Variants in HTT observed in about 807,000 individuals in gnomAD.
HTT encodes huntington disease protein.
In HTT, 104 loss-of-function variants were observed where a neutral mutation model predicts 362.3. The ratio of observed to expected loss-of-function variants is 0.29; its 90% CI spans 0.24 to 0.34. The LOEUF (loss-of-function observed/expected upper bound fraction) is 0.34, where lower values mean the gene tolerates loss of function less well. Ranked by LOEUF, HTT falls within the 10% of genes least tolerant of loss-of-function variation. The pLI, the probability that HTT is intolerant of heterozygous loss-of-function variation, is 1.00. For missense variants in HTT, 3,301 were observed against 3,928.6 expected, an observed-to-expected ratio of 0.84 and a Z score of 4.27; for synonymous variants, 1,577 against 1,548.7, an observed-to-expected ratio of 1.02 and a Z score of -0.43.
At chr4:3,075,169 G>T (rs1440787776) in intron 1 of HTT, 81 bp downstream of exon 1, 3 of 1,163,086 alleles carry the variant, frequency 2.6e-6, no homozygotes, top group Middle Eastern at 3.4e-4. Context: ...GCAGCCTGCG[G>T]GCCGGCGACA....
At chr4:3,188,872 A>G in intron 39 of HTT, 79 bp from the exon 40 acceptor site, 1 of 1,334,368 alleles carries the variant, frequency 7.5e-7, no homozygotes, top group Non-Finnish European at 1.1e-6. Context: ...TATTTACCAT[A>G]TATCTTTTCA....
intron 22 of HTT, among the ~76,000 whole-genome samples, chr4:3,141,244 G>A (rs1434414163): frequency 1.3e-5 from 2 of 152,166 alleles, no homozygotes; most frequent in African/African-American, 2.4e-5. Flanking sequence ...GATAAGACTT[G>A]TGCTTTTTAA....
intron 61 of HTT, among the ~76,000 whole-genome samples, chr4:3,233,710 C>T (rs1382303269): frequency 2.0e-5 from 3 of 152,362 alleles, no homozygotes; most frequent in East Asian, 3.9e-4. Context: ...GCACCTTCCC[C>T]GCCCTGGCCC....
intron 39 of HTT, chr4:3,188,412 T>C (rs1718867446): frequency 6.0e-6 from 1 of 165,362 alleles, no homozygotes; most frequent in South Asian, 1.7e-4. Flanking sequence ...GCTGCCTAGA[T>C]GGGTCCCTCT....
At chr4:3,080,375 T>G (rs7436457) in intron 1 of HTT, among the ~76,000 whole-genome samples, 10,861 of 151,012 alleles carry the variant, frequency 0.072, 749 homozygotes, top group African/African-American at 0.18. Flanking sequence ...GATTACAGGT[T>G]TGGGCCACTG....
chr4:3,144,811 G>C (rs1716521116), intron 23 of HTT, among the ~76,000 whole-genome samples: 1 of 152,168 alleles, frequency 6.6e-6, no homozygotes, highest in African/African-American at 2.4e-5. Flanking sequence ...CCTGCCCTTA[G>C]GGTTTCTGCA....
At chr4:3,124,588 T>C (rs1305153376) in intron 10 of HTT, among the ~76,000 whole-genome samples, 1 of 152,172 alleles carries the variant, frequency 6.6e-6, no homozygotes, top group Non-Finnish European at 1.5e-5. Flanking sequence ...GTGGAACATA[T>C]TTGCAAACCA....
intron 34 of HTT, 43 bp downstream of exon 34, chr4:3,177,430 G>A (rs967738164): frequency 7.9e-7 from 1 of 1,270,350 alleles, no homozygotes; most frequent in Admixed American, 2.3e-5. Flanking sequence ...TTCTTCTTGT[G>A]TACTTACATG....
chr4:3,152,777 G>A (rs1035395830), intron 26 of HTT, among the ~76,000 whole-genome samples: 1 of 151,374 alleles, frequency 6.6e-6, no homozygotes, highest in Non-Finnish European at 1.5e-5. Context: ...CTCCCGAGTG[G>A]CTGGGACTAC....
In HTT at chr4:3,235,294, A is replaced by G. The variant is rs1721469738; in HGVS notation, c.8467A>G (p.Ile2823Val). Residue 2823 changes from isoleucine to valine, a missense_variant, in exon 62 of 67, where the codon ATT becomes GTT. This residue lies in a region of HTT where 753 missense variants were observed against 1,021.3 expected (regional missense o/e 0.74). Coordinates refer to ENST00000355072, the MANE Select transcript of HTT (RefSeq NM_001388492.1). ...GTCTCCCGTTTTCAGCTGCGTGAAC[A>G]TTCACAGCCAGCAGCACGTACTGGT... ...NLKGIAHCVN[I>V]HSQQHVLVMC... 3 of 1,612,736 alleles carry G rather than the reference A, an allele frequency of 1.9e-6. No individual in the cohort carries two copies. The highest frequency in any genetic ancestry group is 2.5e-6 in the Non-Finnish European group (3 of 1,178,984).
chr4:3,085,262 C>T (rs542122024), intron 1 of HTT, among the ~76,000 whole-genome samples: 10 of 152,046 alleles, frequency 6.6e-5, no homozygotes, highest in Admixed American at 2.0e-4. Flanking sequence ...CGCAGCCTCC[C>T]GAGTAGCTGG....
intron 59 of HTT, 79 bp downstream of exon 59, chr4:3,229,088 C>G (rs1721068597): frequency 7.2e-7 from 1 of 1,395,712 alleles, no homozygotes; most frequent in East Asian, 2.5e-5. Flanking sequence ...CACACACACA[C>G]CGCCCACACA....
At chr4:3,236,476 G>A (rs1721539172) in intron 64 of HTT, among the ~76,000 whole-genome samples, 1 of 152,172 alleles carries the variant, frequency 6.6e-6, no homozygotes, top group Admixed American at 6.5e-5. Flanking sequence ...CAGTTCCAAG[G>A]TTGTCCCAGT....
chr4:3,188,888 A>G, intron 39 of HTT, 63 bp from the exon 40 acceptor site: 2 of 1,437,926 alleles, frequency 1.4e-6, no homozygotes, highest in South Asian at 2.4e-5. Flanking sequence ...TTTCATGTAT[A>G]CTTGGCGTAA....
intron 60 of HTT, among the ~76,000 whole-genome samples, chr4:3,231,233 C>T (rs1246718743): frequency 6.6e-6 from 1 of 152,236 alleles, no homozygotes; most frequent in Non-Finnish European, 1.5e-5. Flanking sequence ...CGTCTGGGGC[C>T]CTTGGTGAGA....
intron 9 of HTT, 110 bp from the exon 10 acceptor site, chr4:3,122,779 G>A (rs1000474193): frequency 5.0e-6 from 4 of 801,566 alleles, no homozygotes; most frequent in South Asian, 1.7e-5. Context: ...GTGGAAAAAC[G>A]TTCACATTTT....
At position 3,074,927 on chromosome 4, in the gene HTT, G is replaced by GCCGC. The variant is rs1560535046; in HGVS notation, c.103_104insCGCC (p.Gln35ProfsTer49). 2.1e-5 allele frequency: 27 copies of GCCGC among 1,282,060 alleles called. No individual in the cohort carries two copies. In the African/African-American group the frequency reaches 5.7e-4, roughly 27 times the overall value. The allele number at this position is 1,282,060 out of a possible 1,614,324, so 79.4% of individuals were successfully genotyped here. A position where few individuals can be genotyped will look rare whatever the true frequency, so the allele number is the denominator to read the frequency against. Reference sequence around the variant, plus strand: ...AGCAGCAGCAGCAGCAGCAGCAGCAGCAGCAGCAACAGCCGCCACCGCCGC... The same window carrying GCCGC: ...AGCAGCAGCAGCAGCAGCAGCAGCAGCCGCCAGCAGCAACAGCCGCCACCGCCGC... On this transcript the variant is annotated frameshift_variant, in exon 1 of 67. Coordinates refer to ENST00000355072, the MANE Select transcript of HTT (RefSeq NM_001388492.1). LOFTEE classifies it high-confidence loss of function.
chr4:3,175,550 G>T (rs984536617), intron 33 of HTT, among the ~76,000 whole-genome samples: 7 of 152,166 alleles, frequency 4.6e-5, no homozygotes, highest in Admixed American at 1.3e-4. Flanking sequence ...CTTTAAAAAG[G>T]AATGGAATTT....
intron 8 of HTT, among the ~76,000 whole-genome samples, chr4:3,119,666 C>T (rs963017246): frequency 1.3e-5 from 2 of 152,064 alleles, no homozygotes; most frequent in Non-Finnish European, 2.9e-5. Flanking sequence ...ATAGTGTTAC[C>T]TAGGAGCATG....
Sources: allele counts gnomAD v4.1 joint callset (sites outside exome capture counted in the v4.1 genomes callset), GRCh38; gene constraint gnomAD v4.1.1; regional missense constraint gnomAD v4.1.1; transcripts MANE v1.5; gene names NCBI Gene and HGNC (gene_info 2026-07-23, HGNC 2026-07-21).